Variants in WDFY2 observed in about 807,000 individuals in gnomAD.
The protein encoded by WDFY2 is WD repeat and FYVE domain-containing protein 2.
In WDFY2, 36 loss-of-function variants were observed where a neutral mutation model predicts 56.4. The ratio of observed to expected loss-of-function variants is 0.64; its 90% CI spans 0.49 to 0.84. The LOEUF is 0.84. WDFY2 is among the 40% of genes least tolerant of loss of function. The pLI, the probability that WDFY2 is intolerant of heterozygous loss-of-function variation, is 0.00. For missense variants in WDFY2, 444 were observed against 512.2 expected (o/e 0.87, Z 1.29); for synonymous variants, 176 against 183.7 (o/e 0.96, Z 0.34).
chr13:51,674,010 A>G (rs1477490947), intron 2 of WDFY2, among the ~76,000 whole-genome samples: 1 of 152,156 alleles, frequency 6.6e-6, no homozygotes, highest in African/African-American at 2.4e-5. Flanking sequence ...ACTAAGTGAT[A>G]TGTTCACTTA....
chr13:51,632,281 T>G (rs1213678147), intron 1 of WDFY2, among the ~76,000 whole-genome samples: 1 of 152,180 alleles, frequency 6.6e-6, no homozygotes, highest in African/African-American at 2.4e-5. Flanking sequence ...GGTTCTTTTG[T>G]GATTAATTTT....
At chr13:51,702,060 C>G (rs1951996199) in intron 3 of WDFY2, among the ~76,000 whole-genome samples, 1 of 151,948 alleles carries the variant, frequency 6.6e-6, no homozygotes, top group Non-Finnish European at 1.5e-5. Context: ...ACCTGTAATC[C>G]CAGCACTTTG....
At chr13:51,628,193 C>T (rs1407759994) in intron 1 of WDFY2, among the ~76,000 whole-genome samples, 20 of 152,218 alleles carry the variant, frequency 1.3e-4, no homozygotes, top group Admixed American at 1.1e-3. Flanking sequence ...TGCAGTCCTG[C>T]GCTGAGCCGC....
chr13:51,681,019 A>G (rs774099934), intron 3 of WDFY2, among the ~76,000 whole-genome samples: 62 of 152,242 alleles, frequency 4.1e-4, no homozygotes, highest in Non-Finnish European at 5.1e-4. Context: ...TCAGCATTTA[A>G]TCTAACAAGG....
intron 3 of WDFY2, among the ~76,000 whole-genome samples, chr13:51,695,684 T>C (rs1232695226): frequency 3.3e-5 from 5 of 152,338 alleles, no homozygotes; most frequent in Non-Finnish European, 4.4e-5. Flanking sequence ...TCTCTAGCTG[T>C]GTGCTGGGAG....
intron 6 of WDFY2, among the ~76,000 whole-genome samples, chr13:51,732,133 T>C (rs1461356497): frequency 1.3e-5 from 2 of 152,164 alleles, no homozygotes; most frequent in African/African-American, 4.8e-5. Flanking sequence ...GAGGAGAATT[T>C]TTTTTTTGTT....
chr13:51,689,803 C>T (rs939972851), intron 3 of WDFY2, among the ~76,000 whole-genome samples: 1 of 152,160 alleles, frequency 6.6e-6, no homozygotes, highest in Admixed American at 6.6e-5. Flanking sequence ...TCTGTAGGCA[C>T]ATTTGCAGAA....
At chr13:51,597,799 G>A (rs190136291) in intron 1 of WDFY2, among the ~76,000 whole-genome samples, 36 of 152,314 alleles carry the variant, frequency 2.4e-4, no homozygotes, top group Non-Finnish European at 4.7e-4. Context: ...AAGAAATTCT[G>A]AATATTTGAA....
At chr13:51,654,298 C>A (rs1009351127) in intron 1 of WDFY2, among the ~76,000 whole-genome samples, 1 of 152,190 alleles carries the variant, frequency 6.6e-6, no homozygotes, top group African/African-American at 2.4e-5. Flanking sequence ...CATGTGCCAT[C>A]TTTCACCCCT....
intron 6 of WDFY2, among the ~76,000 whole-genome samples, chr13:51,728,226 T>C (rs118151309): frequency 5.9e-5 from 9 of 152,296 alleles, no homozygotes; most frequent in Middle Eastern, 3.4e-3. Flanking sequence ...AAGACAGATA[T>C]ACTCTTCATG....
intron 1 of WDFY2, chr13:51,588,283 C>G (rs1953982012): frequency 6.6e-6 from 1 of 152,206 alleles, no homozygotes; most frequent in African/African-American, 2.4e-5. Context: ...GTTTAGTCAG[C>G]AGCTTAGCAG....
At chr13:51,614,580 T>A (rs1472520705) in intron 1 of WDFY2, among the ~76,000 whole-genome samples, 1 of 152,178 alleles carries the variant, frequency 6.6e-6, no homozygotes, top group East Asian at 1.9e-4. Flanking sequence ...CAGCATTGCA[T>A]CTGCTTTCCA....
At chr13:51,688,685 C>T (rs1486222055) in intron 3 of WDFY2, among the ~76,000 whole-genome samples, 1 of 152,158 alleles carries the variant, frequency 6.6e-6, no homozygotes, top group African/African-American at 2.4e-5. Context: ...CAGCAGCTTT[C>T]CTGAGTAGAG....
At position 51,759,659 on chromosome 13, in the gene WDFY2, T is replaced by G. The variant is rs1953517566; in HGVS notation, c.1174-81T>G. ...TGGTGGTTTGTTAAATGAAAAAAAT[T>G]TCCTTGAAGAATTCAGTTCTAAGGA... On this transcript the variant is annotated intron_variant, in intron 11 of 11. Transcript: ENST00000298125. The G allele has an allele frequency of 1.6e-5, 22 of 1,396,898 alleles. No individual in the cohort carries two copies. In the South Asian group the frequency reaches 2.5e-4, roughly 16 times the overall value. 86.5% of individuals were successfully genotyped at this position (1,396,898 alleles called of 1,614,324 possible).
At chr13:51,626,380 T>C (rs767619775) in intron 1 of WDFY2, among the ~76,000 whole-genome samples, 1 of 152,174 alleles carries the variant, frequency 6.6e-6, no homozygotes, top group South Asian at 2.1e-4. Context: ...TTTTAAAATA[T>C]CTGCTTACCA....
intron 2 of WDFY2, among the ~76,000 whole-genome samples, chr13:51,669,802 A>C (rs1955775748): frequency 6.6e-6 from 1 of 152,188 alleles, no homozygotes; most frequent in Non-Finnish European, 1.5e-5. Flanking sequence ...AGTCTTGGCA[A>C]ATGGCATCAC....
At chr13:51,687,300 T>C (rs1163197109) in intron 3 of WDFY2, among the ~76,000 whole-genome samples, 1 of 152,058 alleles carries the variant, frequency 6.6e-6, no homozygotes, top group African/African-American at 2.4e-5. Flanking sequence ...CTCTTGTTTA[T>C]GTTGCATTTA....
At chr13:51,666,933 G>T (rs1955714147) in intron 2 of WDFY2, among the ~76,000 whole-genome samples, 1 of 152,142 alleles carries the variant, frequency 6.6e-6, no homozygotes. Context: ...GTTTCCAATT[G>T]CAGTATTCAG....
In WDFY2 at chr13:51,666,219, C is replaced by T. The variant is rs369167109; in HGVS notation, c.205+5556C>T. On this transcript the variant is annotated intron_variant, in intron 2 of 11. Transcript: ENST00000298125. Reference sequence around the variant, plus strand: ...TTCCTTTAAATTTGGAGTTTTCCCACTTGTGTTAGCCCTCTGCAGAAATGC... The same window carrying T: ...TTCCTTTAAATTTGGAGTTTTCCCATTTGTGTTAGCCCTCTGCAGAAATGC... 7.9e-5 allele frequency among the ~76,000 whole-genome samples: 12 copies of T among 152,324 alleles called. No individual in the cohort carries two copies. In the East Asian group the frequency reaches 2.1e-3, roughly 27 times the overall value.
Sources: gnomAD v4.1 joint callset for allele counts (sites outside exome capture counted in the v4.1 genomes callset) on GRCh38, gnomAD v4.1.1 for gene constraint, MANE v1.5 for transcripts, NCBI Gene and HGNC (gene_info 2026-07-23, HGNC 2026-07-21) for gene names.